MYCN: variants seen among roughly 807,000 people sequenced by gnomAD.
The protein encoded by MYCN is MYCN proto-oncogene, bHLH transcription factor, also known as N-myc proto-oncogene protein.
A neutral mutation model predicts 28.1 loss-of-function variants in MYCN; 3 were observed. The ratio of observed to expected loss-of-function variants is 0.11; its 90% CI spans 0.05 to 0.28. MYCN has a LOEUF of 0.28. Ranked by LOEUF, MYCN falls within the 10% of genes least tolerant of loss-of-function variation. The pLI is 1.00. For synonymous variants in MYCN, 326 were observed against 288.3 expected (o/e 1.13, Z -1.32); for missense variants, 572 against 651.4 (o/e 0.88, Z 1.33).
chr2:15,944,652 G>C (rs1277844458), intron 2 of MYCN, among the ~76,000 whole-genome samples: 1 of 152,212 alleles, frequency 6.6e-6, no homozygotes, highest in Non-Finnish European at 1.5e-5. Context: ...ATGTAAATAA[G>C]TCCACAGGGC....
chr2:15,945,049 G>T lies in MYCN; in HGVS notation c.791-444G>T, dbSNP rs1034394926. Among the ~76,000 whole-genome samples, 15 of 151,982 alleles carry T rather than the reference G, an allele frequency of 9.9e-5. No homozygotes were observed. The highest frequency in any genetic ancestry group is 3.6e-4 in the African/African-American group (15 of 41,372). On this transcript the variant is annotated intron_variant, in intron 2 of 2. Transcript: ENST00000281043. This position sits in a 1 kb window ranked among gnomAD's most constrained non-coding sequence, Gnocchi z 4.8. ...AGTTTTGCTCTTGTTGCCCAGGCTG[G>T]AGTGCAGTGGTATGATCTGGGCTCA... is the stretch of plus-strand genomic sequence containing the variant.
rs760647298 is a variant in MYCN at position 15,945,954 on chromosome 2, G to T, written c.1252G>T (p.Ala418Ser). ...VPELVKNEKA[A>S]KVVILKKATE... is the part of the protein sequence containing the mutation. Reference sequence around the variant, plus strand: ...GGAGTTGGTAAAGAATGAGAAGGCCGCCAAGGTGGTCATTTTGAAAAAGGC... The same window carrying T: ...GGAGTTGGTAAAGAATGAGAAGGCCTCCAAGGTGGTCATTTTGAAAAAGGC... Residue 418 changes from alanine to serine, a missense_variant, in exon 3 of 3, where the codon GCC becomes TCC. Transcript: ENST00000281043. The surrounding 1 kb of genome is among the most constrained non-coding windows in gnomAD (Gnocchi z 4.8). 1.9e-6 allele frequency: 3 copies of T among 1,614,094 alleles called. No homozygotes were observed. Among genetic ancestry groups the T allele is most frequent in the Non-Finnish European group, 2.5e-6 (3 of 1,180,038 alleles).
intron 1 of MYCN, 62 bp downstream of exon 1, chr2:15,940,805 C>A (rs1662622622): frequency 5.0e-6 from 2 of 398,334 alleles, no homozygotes; most frequent in Non-Finnish European, 8.9e-6. Context: ...CGGGGCAAGG[C>A]AAGCCCTGGA....
At chr2:15,940,813 G>A in intron 1 of MYCN, 70 bp downstream of exon 1, 1 of 398,356 alleles carries the variant, frequency 2.5e-6, no homozygotes, top group Non-Finnish European at 4.4e-6. Context: ...GGCAAGCCCT[G>A]GACGGGATTG....
chr2:15,941,661 G>A lies in MYCN; in HGVS notation c.-117-287G>A, dbSNP rs1662675610. ...CAGCCAGGAACAGCCCCCTCCCCCA[G>A]GCAGTGCCTTGTGTGAATGAAATGG... On this transcript the variant is annotated intron_variant, in intron 1 of 2. Transcript: ENST00000281043. This position sits in a 1 kb window ranked among gnomAD's most constrained non-coding sequence, Gnocchi z 4.8. 3.1e-6 allele frequency: 1 copy of A among 320,734 alleles called. No individual in the cohort carries two copies. The highest frequency in any genetic ancestry group is 2.1e-5 in the African/African-American group (1 of 47,082). The allele number at this position is 320,734 out of a possible 1,614,324, so 19.9% of individuals were successfully genotyped here. A position where few individuals can be genotyped will look rare whatever the true frequency, so the allele number is the denominator to read the frequency against.
Position 15,941,591 on chromosome 2 carries a change from GC to G in MYCN, c.-117-356del. The G allele has an allele frequency of 4.4e-6, 1 of 225,138 alleles. No individual in the cohort carries two copies. The highest frequency in any genetic ancestry group is 5.3e-5 in the Admixed American group (1 of 18,804). The allele number at this position is 225,138 out of a possible 1,614,324, so 13.9% of individuals were successfully genotyped here. On this transcript the variant is annotated intron_variant, in intron 1 of 2. Coordinates refer to ENST00000281043, the MANE Select transcript of MYCN (RefSeq NM_005378.6). The surrounding 1 kb of genome is among the most constrained non-coding windows in gnomAD (Gnocchi z 4.8). ...TCCCCTGAGCAGCCGGCCCCACACC[GC>G]TGCGAGTGCGGTTGTCTGCGTGCTC...
chr2:15,940,646 C>T lies in MYCN; in HGVS notation c.-215C>T. 5.0e-6 allele frequency: 2 copies of T among 400,448 alleles called. No individual in the cohort carries two copies. The highest frequency in any genetic ancestry group is 1.3e-4 in the South Asian group (1 of 7,934). 24.8% of individuals were successfully genotyped at this position (400,448 alleles called of 1,614,324 possible). Reference sequence around the variant, plus strand: ...AGCAAGCGCTAGCCAGGCGCAAGCGCGCACAGACTGTAGCCATCCGAGGAC... The same window carrying T: ...AGCAAGCGCTAGCCAGGCGCAAGCGTGCACAGACTGTAGCCATCCGAGGAC... On this transcript the variant is annotated 5_prime_UTR_variant, in exon 1 of 3. Coordinates refer to ENST00000281043, the MANE Select transcript of MYCN (RefSeq NM_005378.6).
At position 15,942,689 on chromosome 2, in the gene MYCN, C is replaced by A. The variant is rs866239394; in HGVS notation, c.625C>A (p.Pro209Thr). The change falls in exon 2 of 3, where the codon CCG becomes ACG. Residue 209 changes from proline to threonine, a missense_variant. Physicochemically the swap from Pro to Thr is conservative, Grantham distance 38. This residue lies in a region of MYCN where 499 missense variants were observed against 524.3 expected (regional missense o/e 0.95). Transcript: ENST00000281043. The surrounding 1 kb of genome is among the most constrained non-coding windows in gnomAD (Gnocchi z 7.0). Reference protein sequence around the residue: ...KREPAPVPAAPASAPAAGPAV... With the variant: ...KREPAPVPAATASAPAAGPAV... ...CGAGCCAGCGCCCGTGCCCGCAGCC[C>A]CGGCCAGTGCCCCGGCGGCGGGCCC... The A allele has an allele frequency of 8.4e-7, 1 of 1,186,332 alleles. No homozygotes were observed. The highest frequency in any genetic ancestry group is 3.9e-5 in the East Asian group (1 of 25,320). 73.5% of individuals were successfully genotyped at this position (1,186,332 alleles called of 1,614,324 possible).
In MYCN at chr2:15,945,571, A is replaced by C. The variant is rs1325003739; in HGVS notation, c.869A>C (p.Asn290Thr). 5.6e-6 allele frequency: 9 copies of C among 1,614,012 alleles called. No individual in the cohort carries two copies. Among genetic ancestry groups the C allele is most frequent in the African/African-American group, 1.3e-5 (1 of 74,914 alleles). Reference protein sequence around the residue: ...VTVEKRRSSSNTKAVTTFTIT... With the variant: ...VTVEKRRSSSTTKAVTTFTIT... ...GTGGAGAAGCGGCGTTCCTCCTCCAACACCAAGGCTGTCACCACATTCACC... is the reference window on the plus strand; with the variant it reads ...GTGGAGAAGCGGCGTTCCTCCTCCACCACCAAGGCTGTCACCACATTCACC... The change falls in exon 3 of 3, where the codon AAC (asparagine) becomes ACC (threonine). Residue 290 changes from asparagine to threonine, a missense_variant. Around this residue, in one of 3 missense-constraint regions of MYCN, gnomAD observed 499 missense variants for 524.3 expected, o/e 0.95. Coordinates refer to ENST00000281043, the MANE Select transcript of MYCN (RefSeq NM_005378.6). This position sits in a 1 kb window ranked among gnomAD's most constrained non-coding sequence, Gnocchi z 4.8.
At position 15,941,996 on chromosome 2, in the gene MYCN, G is replaced by A. The variant is rs536645837; in HGVS notation, c.-69G>A. ...CGCCTTCCGCGCCCCCCACGGGAAG[G>A]AAGCACCCCCGGTATTAAAACGAAC... On this transcript the variant is annotated 5_prime_UTR_variant, in exon 2 of 3. Coordinates refer to ENST00000281043, the MANE Select transcript of MYCN (RefSeq NM_005378.6). This position sits in a 1 kb window ranked among gnomAD's most constrained non-coding sequence, Gnocchi z 4.8. The A allele has an allele frequency of 6.3e-7, 1 of 1,596,952 alleles. No homozygotes were observed. Among genetic ancestry groups the A allele is most frequent in the East Asian group, 2.3e-5 (1 of 43,970 alleles).
intron 2 of MYCN, among the ~76,000 whole-genome samples, chr2:15,943,736 C>CA (rs1662785240): frequency 6.6e-6 from 1 of 152,190 alleles, no homozygotes; most frequent in South Asian, 2.1e-4. Context: ...AAGGTGAGGG[C>CA]AGGCACTCAG....
Position 15,942,497 on chromosome 2 carries a change from T to C in MYCN, c.433T>C (p.Ser145Pro), listed in dbSNP as rs2103324984. Residue 145 changes from serine to proline, a missense_variant, in exon 2 of 3, where the codon TCC (serine) becomes CCC (proline). Around this residue, in one of 3 missense-constraint regions of MYCN, gnomAD observed 499 missense variants for 524.3 expected, o/e 0.95. Coordinates refer to ENST00000281043, the MANE Select transcript of MYCN (RefSeq NM_005378.6). The surrounding 1 kb of genome is among the most constrained non-coding windows in gnomAD (Gnocchi z 7.0). ...QHGRGPPTAG[S>P]TAQSPGAGAA... Reference sequence around the variant, plus strand: ...CGGCCGCGGGCCGCCAACCGCCGGTTCCACCGCCCAGTCCCCGGGAGCCGG... The same window carrying C: ...CGGCCGCGGGCCGCCAACCGCCGGTCCCACCGCCCAGTCCCCGGGAGCCGG... The C allele has an allele frequency of 6.5e-7, 1 of 1,547,394 alleles. No homozygotes were observed. The highest frequency in any genetic ancestry group is 8.7e-7 in the Non-Finnish European group (1 of 1,154,702).
In MYCN at chr2:15,945,469, G is replaced by C. The variant is rs1174202589; in HGVS notation, c.791-24G>C. 1 of 1,579,586 alleles carries C rather than the reference G, an allele frequency of 6.3e-7. No individual in the cohort carries two copies. The highest frequency in any genetic ancestry group is 1.3e-5 in the African/African-American group (1 of 74,364). On this transcript the variant is annotated intron_variant, in intron 2 of 2. Coordinates refer to ENST00000281043, the MANE Select transcript of MYCN (RefSeq NM_005378.6). The surrounding 1 kb of genome is among the most constrained non-coding windows in gnomAD (Gnocchi z 4.8). ...TTTCATTCAAATGGTTCTCACATGAGAGTAACTAGCATCTTTCTCTCAGAT... is the reference window on the plus strand; with the variant it reads ...TTTCATTCAAATGGTTCTCACATGACAGTAACTAGCATCTTTCTCTCAGAT...
In MYCN at chr2:15,946,479, A is replaced by C; in HGVS notation, c.*382A>C. ...CCACATAAGGGGTTTGCCATTTGAT[A>C]CCCCTGGGGAACATTTCTGTAAATA... On this transcript the variant is annotated 3_prime_UTR_variant, in exon 3 of 3. Coordinates refer to ENST00000281043, the MANE Select transcript of MYCN (RefSeq NM_005378.6). 2 of 392,792 alleles carry C rather than the reference A, an allele frequency of 5.1e-6. No individual in the cohort carries two copies. The highest frequency in any genetic ancestry group is 9.5e-6 in the Non-Finnish European group (2 of 210,774). 24.3% of individuals were successfully genotyped at this position (392,792 alleles called of 1,614,324 possible). A position where few individuals can be genotyped will look rare whatever the true frequency, so the allele number is the denominator to read the frequency against.
chr2:15,943,991 C>G (rs1176626274), intron 2 of MYCN, among the ~76,000 whole-genome samples: 3 of 152,122 alleles, frequency 2.0e-5, no homozygotes, highest in African/African-American at 7.2e-5. Flanking sequence ...AAATTTACTT[C>G]TGGGCTGAGG....
At position 15,942,145 on chromosome 2, in the gene MYCN, C is replaced by G; in HGVS notation, c.81C>G (p.Cys27Trp). ...PDLEFDSLQP[C>W]FYPDEDDFYF... ...TCGAGTTTGACTCGCTACAGCCCTG[C>G]TTCTACCCGGACGAAGATGACTTCT... Residue 27 changes from cysteine (C) to tryptophan (W), a missense_variant, in exon 2 of 3, where the codon TGC (cysteine) becomes TGG (tryptophan). Coordinates refer to ENST00000281043, the MANE Select transcript of MYCN (RefSeq NM_005378.6). This position sits in a 1 kb window ranked among gnomAD's most constrained non-coding sequence, Gnocchi z 7.0. 6.2e-7 allele frequency: 1 copy of G among 1,613,980 alleles called. No homozygotes were observed. The highest frequency in any genetic ancestry group is 8.5e-7 in the Non-Finnish European group (1 of 1,180,026).
chr2:15,942,722 G>T lies in MYCN; in HGVS notation c.658G>T (p.Ala220Ser), dbSNP rs745414155. 3.0e-4 allele frequency: 364 copies of T among 1,209,492 alleles called. No homozygotes were observed. In the Middle Eastern group the frequency reaches 7.0e-3, roughly 23 times the overall value. The allele number at this position is 1,209,492 out of a possible 1,614,324, so 74.9% of individuals were successfully genotyped here. The change falls in exon 2 of 3, where the codon GCC becomes TCC. Residue 220 changes from alanine to serine, a missense_variant. Physicochemically the swap from Ala to Ser is moderately conservative, Grantham distance 99. Coordinates refer to ENST00000281043, the MANE Select transcript of MYCN (RefSeq NM_005378.6). The surrounding 1 kb of genome is among the most constrained non-coding windows in gnomAD (Gnocchi z 7.0). ...TGCCCCGGCGGCGGGCCCTGCGGTC[G>T]CCTCGGGGGCGGGTATTGCCGCCCC... The part of the protein sequence containing the change: ...ASAPAAGPAV[A>S]SGAGIAAPAG...
In MYCN at chr2:15,942,982, C is replaced by T. The variant is rs1662750931; in HGVS notation, c.790+128C>T. On this transcript the variant is annotated intron_variant, in intron 2 of 2. Transcript: ENST00000281043. This position sits in a 1 kb window ranked among gnomAD's most constrained non-coding sequence, Gnocchi z 7.0. ...AGGCAGTGCTAGGGGCAGAGAGGTC[C>T]TGTTTCCCCCAAGTCTCTCCTCGGG... is the stretch of plus-strand genomic sequence containing the variant. The T allele has an allele frequency of 8.4e-7, 1 of 1,197,242 alleles. No homozygotes were observed. 74.2% of individuals were successfully genotyped at this position (1,197,242 alleles called of 1,614,324 possible). A position where few individuals can be genotyped will look rare whatever the true frequency, so the allele number is the denominator to read the frequency against.
rs571515951 is a variant in MYCN at position 15,941,295 on chromosome 2, G to T, written c.-118+552G>T. 6.6e-6 allele frequency: 1 copy of T among 152,494 alleles called. No individual in the cohort carries two copies. The highest frequency in any genetic ancestry group is 6.5e-5 in the Admixed American group (1 of 15,292). The allele number at this position is 152,494 out of a possible 1,614,324, so 9.4% of individuals were successfully genotyped here. Reference sequence around the variant, plus strand: ...TTGTCGTGGGTTTGGAAGAGCAGGGGTGGGCTTAGAGAGCTTCCAATTAAG... The same window carrying T: ...TTGTCGTGGGTTTGGAAGAGCAGGGTTGGGCTTAGAGAGCTTCCAATTAAG... On this transcript the variant is annotated intron_variant, in intron 1 of 2. Coordinates refer to ENST00000281043, the MANE Select transcript of MYCN (RefSeq NM_005378.6). This position sits in a 1 kb window ranked among gnomAD's most constrained non-coding sequence, Gnocchi z 4.8.
Sources: allele counts gnomAD v4.1 joint callset (sites outside exome capture counted in the v4.1 genomes callset), GRCh38; gene constraint gnomAD v4.1.1; regional missense constraint gnomAD v4.1.1; non-coding constraint Gnocchi (gnomAD v3.1); transcripts MANE v1.5; gene names NCBI Gene and HGNC (gene_info 2026-07-23, HGNC 2026-07-21).